The following RTN1 variants were observed in gnomAD, a reference collection of about 807,000 sequenced individuals.
The protein encoded by RTN1 is reticulon 1.
RTN1 carries 25 observed loss-of-function variants against 65.5 expected under a neutral mutation model. The observed-to-expected ratio is 0.38, with a 90% CI of 0.28 to 0.53. The LOEUF (loss-of-function observed/expected upper bound fraction) is 0.53, where lower values mean the gene tolerates loss of function less well. RTN1 is among the 20% of genes least tolerant of loss of function. RTN1 has a pLI of 0.79. For missense variants in RTN1, 983 were observed against 1,025.4 expected, an observed-to-expected ratio of 0.96 and a Z score of 0.57; for synonymous variants, 471 against 447.6, an observed-to-expected ratio of 1.05 and a Z score of -0.66.
chr14:59,797,277 T>A (rs1886457923), intron 1 of RTN1, among the ~76,000 whole-genome samples: 1 of 152,284 alleles, frequency 6.6e-6, no homozygotes, highest in Admixed American at 6.5e-5. Context: ...GGGATAATAA[T>A]ATGGGAAAAA....
At chr14:59,708,929 C>T (rs1884357247) in intron 3 of RTN1, among the ~76,000 whole-genome samples, 1 of 152,136 alleles carries the variant, frequency 6.6e-6, no homozygotes, top group African/African-American at 2.4e-5. Flanking sequence ...TTCTACTGCT[C>T]CATATTCTTA....
Position 59,774,500 on chromosome 14 carries a change from T to A in RTN1, c.242-28019A>T, listed in dbSNP as rs2139565395. Among the ~76,000 whole-genome samples, 1 of 152,230 alleles carries A rather than the reference T, an allele frequency of 6.6e-6. No individual in the cohort carries two copies. The highest frequency in any genetic ancestry group is 6.5e-5 in the Admixed American group (1 of 15,274). On this transcript the variant is annotated intron_variant, in intron 1 of 8. Coordinates refer to ENST00000267484, the MANE Select transcript of RTN1 (RefSeq NM_021136.3). The surrounding 1 kb of genome is among the most constrained non-coding windows in gnomAD (Gnocchi z 5.1). ...AGGCAAATAATGCAGGCCAAAAATA[T>A]GTCTGAAAGCTACTTGGCAATTTCA... is the stretch of plus-strand genomic sequence containing the variant.
At chr14:59,786,082 C>T (rs759140974) in intron 1 of RTN1, among the ~76,000 whole-genome samples, 2 of 152,272 alleles carry the variant, frequency 1.3e-5, no homozygotes, top group Non-Finnish European at 2.9e-5. Flanking sequence ...GGTAGAAGAG[C>T]CCAACAATAG....
intron 3 of RTN1, among the ~76,000 whole-genome samples, chr14:59,673,693 C>T (rs778023969): frequency 2.2e-4 from 33 of 152,028 alleles, no homozygotes; most frequent in Admixed American, 3.3e-4. Context: ...CCAGAAGGAA[C>T]CAACAGAGAG....
At chr14:59,680,013 A>G (rs1343187349) in intron 3 of RTN1, among the ~76,000 whole-genome samples, 1 of 152,212 alleles carries the variant, frequency 6.6e-6, no homozygotes, top group Non-Finnish European at 1.5e-5. Context: ...CATAGCAACA[A>G]TGAAATTTCA....
intron 3 of RTN1, among the ~76,000 whole-genome samples, chr14:59,623,758 C>T (rs1882318440): frequency 6.6e-6 from 1 of 151,990 alleles, no homozygotes; most frequent in Admixed American, 6.6e-5. Flanking sequence ...GCTGTTGGTT[C>T]CTTTTTAAAA....
chr14:59,636,601 C>T (rs1882671227), intron 3 of RTN1, among the ~76,000 whole-genome samples: 1 of 152,088 alleles, frequency 6.6e-6, no homozygotes, highest in South Asian at 2.1e-4. Context: ...ATATAGTGAC[C>T]TTGCTAAATT....
At chr14:59,664,467 A>T (rs972840299) in intron 3 of RTN1, among the ~76,000 whole-genome samples, 6 of 152,044 alleles carry the variant, frequency 3.9e-5, no homozygotes, top group African/African-American at 9.7e-5. Context: ...CAAGTATAAT[A>T]AAAAAAGTCA....
At chr14:59,797,788 G>A (rs775916468) in intron 1 of RTN1, among the ~76,000 whole-genome samples, 4 of 152,082 alleles carry the variant, frequency 2.6e-5, no homozygotes, top group East Asian at 1.9e-4. Context: ...TTTGCCTAGC[G>A]TCATCTTTGT....
intron 3 of RTN1, among the ~76,000 whole-genome samples, chr14:59,657,408 CAACAA>C (rs536719398): frequency 1.0e-3 from 159 of 152,088 alleles, no homozygotes; most frequent in African/African-American, 3.7e-3. Flanking sequence ...GACTCTGTCT[CAACAA>C]AACAAAACAA....
chr14:59,629,485 AC>A (rs1882485858), intron 3 of RTN1, among the ~76,000 whole-genome samples: 1 of 152,110 alleles, frequency 6.6e-6, no homozygotes, highest in South Asian at 2.1e-4. Context: ...ATGCTGCAAA[AC>A]CCTGCAGGTT....
chr14:59,745,219 C>A (rs562288416), intron 2 of RTN1, among the ~76,000 whole-genome samples: 2 of 152,168 alleles, frequency 1.3e-5, no homozygotes, highest in Non-Finnish European at 2.9e-5. Context: ...TTACCAGATG[C>A]GCCCCTTTGA....
chr14:59,724,733 A>T (rs1396697621), intron 3 of RTN1, among the ~76,000 whole-genome samples: 3 of 152,030 alleles, frequency 2.0e-5, no homozygotes, highest in East Asian at 1.9e-4. Flanking sequence ...ACGAAAAAAA[A>T]AAAAAACAGC....
chr14:59,808,922 A>G (rs1350386713), intron 1 of RTN1, among the ~76,000 whole-genome samples: 1 of 152,150 alleles, frequency 6.6e-6, no homozygotes, highest in Non-Finnish European at 1.5e-5. Flanking sequence ...CCAAGCAGAT[A>G]CCAGCATCAT....
At chr14:59,782,447 T>G (rs1001348714) in intron 1 of RTN1, among the ~76,000 whole-genome samples, 2 of 152,226 alleles carry the variant, frequency 1.3e-5, no homozygotes, top group Non-Finnish European at 2.9e-5. Flanking sequence ...GAATTAAAGT[T>G]GAAAAGTTTA....
chr14:59,777,822 CAAAAAA>C lies in RTN1; in HGVS notation c.242-31347_242-31342del, dbSNP rs34532344. ...AAAACAACAACAACAACAACAACAA[CAAAAAA>C]AAAAAACAAAACAACAAAACACACA... On this transcript the variant is annotated intron_variant, in intron 1 of 8. Transcript: ENST00000267484. Among the ~76,000 whole-genome samples, 609 of 147,360 alleles carry C rather than the reference CAAAAAA, an allele frequency of 4.1e-3. 4 individuals carry two copies. The highest frequency in any genetic ancestry group is 0.012 in the African/African-American group (490 of 40,582).
chr14:59,749,679 C>CTA (rs1446202248), intron 1 of RTN1, among the ~76,000 whole-genome samples: 3 of 46,890 alleles, frequency 6.4e-5, no homozygotes, highest in African/African-American at 2.0e-4. Context: ...ATTTATATAT[C>CTA]TATATATTTA....
intron 1 of RTN1, among the ~76,000 whole-genome samples, chr14:59,804,387 T>C (rs1481272592): frequency 2.0e-5 from 3 of 152,206 alleles, no homozygotes; most frequent in Admixed American, 2.0e-4. Flanking sequence ...ATATTAACCT[T>C]GGTCACCTGA....
chr14:59,675,528 ACT>A lies in RTN1; in HGVS notation c.1765+51389_1765+51390del. Among the ~76,000 whole-genome samples, 2 of 149,662 alleles carry A rather than the reference ACT, an allele frequency of 1.3e-5. 1 individual carries two copies. Among genetic ancestry groups the A allele is most frequent in the South Asian group, 4.2e-4 (2 of 4,716 alleles). Reference sequence around the variant, plus strand: ...AGTTCAATATGTTCTTTCATTTAACACTCACAATTAAATTGTAAAAATAAATA... The same window carrying A: ...AGTTCAATATGTTCTTTCATTTAACACACAATTAAATTGTAAAAATAAATA... On this transcript the variant is annotated intron_variant, in intron 3 of 8. Coordinates refer to ENST00000267484, the MANE Select transcript of RTN1 (RefSeq NM_021136.3).
Sources: gnomAD v4.1 joint callset for allele counts (sites outside exome capture counted in the v4.1 genomes callset) on GRCh38, gnomAD v4.1.1 for gene constraint, Gnocchi (gnomAD v3.1) non-coding constraint, MANE v1.5 for transcripts, NCBI Gene and HGNC (gene_info 2026-07-23, HGNC 2026-07-21) for gene names.